HELZ: variants seen among roughly 807,000 people sequenced by gnomAD.
The protein encoded by HELZ is ATP-dependent RNA helicase with zinc finger domain.
Under a neutral mutation model 218.2 loss-of-function variants are expected in HELZ, and 23 were observed. That is an observed-to-expected ratio of 0.11 (90% CI 0.08 to 0.15). HELZ has a LOEUF of 0.15. HELZ is among the 10% of genes least tolerant of loss of function. The probability of loss-of-function intolerance (pLI) is 1.00; values close to 1 mark genes in which losing one functional copy is unlikely to be tolerated. For missense variants in HELZ, 1,813 were observed against 2,353.7 expected (o/e 0.77, Z 4.75); for synonymous variants, 814 against 829.4 (o/e 0.98, Z 0.32).
chr17:67,231,652 G>A (rs1044435436), intron 3 of HELZ, among the ~76,000 whole-genome samples: 3 of 151,430 alleles, frequency 2.0e-5, no homozygotes, highest in Non-Finnish European at 4.4e-5. Context: ...CAAACGTGCC[G>A]TGGAAACCTA....
intron 3 of HELZ, among the ~76,000 whole-genome samples, chr17:67,233,875 G>A (rs1348536780): frequency 2.0e-5 from 3 of 151,174 alleles, no homozygotes; most frequent in South Asian, 2.1e-4. Flanking sequence ...CCCCACCCCC[G>A]TCTCTACTAA....
At chr17:67,089,535 T>C (rs1481972805) in intron 31 of HELZ, among the ~76,000 whole-genome samples, 2 of 151,604 alleles carry the variant, frequency 1.3e-5, no homozygotes, top group African/African-American at 4.8e-5. Context: ...AGATAAAATA[T>C]GAAATTCAAT....
chr17:67,220,532 G>A (rs78042171), intron 3 of HELZ, among the ~76,000 whole-genome samples: 1,629 of 152,104 alleles, frequency 0.011, 30 homozygotes, highest in African/African-American at 0.036. Flanking sequence ...ACCTAGGCTC[G>A]AGTAGAGTGG....
At chr17:67,084,711 T>TA (rs1435912864) in intron 32 of HELZ, among the ~76,000 whole-genome samples, 9 of 150,874 alleles carry the variant, frequency 6.0e-5, no homozygotes, top group African/African-American at 2.2e-4. Flanking sequence ...GATGTTATCG[T>TA]AAAAAAATTA....
chr17:67,226,111 T>G (rs1393958335), intron 3 of HELZ, among the ~76,000 whole-genome samples: 1 of 151,418 alleles, frequency 6.6e-6, no homozygotes, highest in African/African-American at 2.4e-5. Context: ...AATACAAAAA[T>G]TATCTGGGTG....
intron 3 of HELZ, among the ~76,000 whole-genome samples, chr17:67,231,981 AG>A (rs2041048737): frequency 7.5e-6 from 1 of 134,050 alleles, no homozygotes; most frequent in Non-Finnish European, 1.6e-5. Flanking sequence ...TGAACTCGGG[AG>A]GGGGAAGTTG....
Position 67,071,707 on chromosome 17 carries a change from A to C in HELZ, c.*6545T>G, listed in dbSNP as rs896017245. 5 of 152,224 alleles carry C rather than the reference A, an allele frequency of 3.3e-5. No homozygotes were observed. Among genetic ancestry groups the C allele is most frequent in the African/African-American group, 1.2e-4 (5 of 41,444 alleles). 9.4% of individuals were successfully genotyped at this position (152,224 alleles called of 1,614,324 possible). The stretch of plus-strand genomic sequence containing the variant: ...AACACACAAATTAAACAATACCCAA[A>C]GACCTGACAGGTTTATTATATTATA... On this transcript the variant is annotated 3_prime_UTR_variant, in exon 33 of 33. Coordinates refer to ENST00000358691, the MANE Select transcript of HELZ (RefSeq NM_014877.4).
intron 5 of HELZ, among the ~76,000 whole-genome samples, chr17:67,205,613 T>C (rs2143149228): frequency 6.6e-6 from 1 of 152,318 alleles, no homozygotes; most frequent in South Asian, 2.1e-4. Context: ...AAGAAACTAG[T>C]TGTCAAGAGC....
intron 6 of HELZ, among the ~76,000 whole-genome samples, chr17:67,201,773 A>C (rs2040174756): frequency 1.3e-5 from 2 of 152,224 alleles, no homozygotes; most frequent in Admixed American, 1.3e-4. Context: ...CCCTTTAATG[A>C]TAATCTTAAT....
chr17:67,151,009 C>T, intron 18 of HELZ, 37 bp downstream of exon 18: 1 of 1,583,758 alleles, frequency 6.3e-7, no homozygotes, highest in East Asian at 2.2e-5. Context: ...AATTCATAAG[C>T]CCTAAACTTG....
Position 67,132,218 on chromosome 17 carries a change from C to CTGTGTGTGTGTG in HELZ, c.3183-3375_3183-3364dup, listed in dbSNP as rs57691319. 4.5e-3 allele frequency among the ~76,000 whole-genome samples: 669 copies of CTGTGTGTGTGTG among 147,958 alleles called. 4 individuals carry two copies. The highest frequency in any genetic ancestry group is 0.015 in the African/African-American group (608 of 40,604). The stretch of plus-strand genomic sequence containing the variant: ...AAAATCACTTGGTGTCCTTAGGTCA[C>CTGTGTGTGTGTG]TGTGTGTGTGTGTGTGTGTGTGTGT... On this transcript the variant is annotated intron_variant, in intron 23 of 32. Transcript: ENST00000358691.
intron 31 of HELZ, among the ~76,000 whole-genome samples, chr17:67,106,507 C>T (rs2037107531): frequency 6.6e-6 from 1 of 152,026 alleles, no homozygotes; most frequent in African/African-American, 2.4e-5. Context: ...CGGGGTTTCA[C>T]CGTGTTAGCC....
intron 5 of HELZ, among the ~76,000 whole-genome samples, chr17:67,213,620 CA>C (rs1174762463): frequency 1.3e-5 from 2 of 151,352 alleles, no homozygotes; most frequent in African/African-American, 4.9e-5. Context: ...GACTCCATCT[CA>C]AAAAAAATAA....
At chr17:67,122,257 C>T (rs1251041840) in intron 26 of HELZ, among the ~76,000 whole-genome samples, 2 of 151,964 alleles carry the variant, frequency 1.3e-5, no homozygotes, top group African/African-American at 2.4e-5. Flanking sequence ...AAAAATTAGC[C>T]GGGCATGGCC....
At chr17:67,116,264 G>C (rs1048636073) in intron 27 of HELZ, among the ~76,000 whole-genome samples, 1 of 150,258 alleles carries the variant, frequency 6.7e-6, no homozygotes, top group South Asian at 2.1e-4. Context: ...AGGAGAAGGC[G>C]GAAAAATCAA....
Position 67,107,018 on chromosome 17 carries a change from G to C in HELZ, c.5241+151C>G, listed in dbSNP as rs2037124448. 5 of 750,732 alleles carry C rather than the reference G, an allele frequency of 6.7e-6. No individual in the cohort carries two copies. The South Asian group carries it at 8.3e-5, about 12-fold the overall frequency. 46.5% of individuals were successfully genotyped at this position (750,732 alleles called of 1,614,324 possible). On this transcript the variant is annotated intron_variant, in intron 31 of 32. Coordinates refer to ENST00000358691, the MANE Select transcript of HELZ (RefSeq NM_014877.4). ...CTTTACAAAACCTGAAATACAATAG[G>C]AGGGTGGCAATTAAAATAATTCCCA... is the stretch of plus-strand genomic sequence containing the variant.
intron 3 of HELZ, chr17:67,224,767 A>C: frequency 8.5e-7 from 1 of 1,172,366 alleles, no homozygotes; most frequent in South Asian, 1.2e-5. Flanking sequence ...TTTCTGTAAG[A>C]AGTGTGGCAA....
chr17:67,184,480 A>AT (rs2039697966), intron 12 of HELZ, among the ~76,000 whole-genome samples: 1 of 152,098 alleles, frequency 6.6e-6, no homozygotes, highest in Non-Finnish European at 1.5e-5. Flanking sequence ...AATATTTCCC[A>AT]CTGAGAAGGA....
chr17:67,178,796 T>C lies in HELZ; in HGVS notation c.1293A>G (p.Arg431=). The change falls in exon 13 of 33, where the codon AGA becomes AGG. Residue 431 remains arginine (R), a synonymous_variant. Transcript: ENST00000358691. ...TTDLEKSLLI[R]YQIPLSADQL... ...GGTCAGCAGAGAGGGGAATTTGGTATCTGATAAGAAGGCTCTTCTCCAAAT... is the reference window on the plus strand; with the variant it reads ...GGTCAGCAGAGAGGGGAATTTGGTACCTGATAAGAAGGCTCTTCTCCAAAT... 6.2e-7 allele frequency: 1 copy of C among 1,614,008 alleles called. No homozygotes were observed. The highest frequency in any genetic ancestry group is 8.5e-7 in the Non-Finnish European group (1 of 1,179,910).
Sources: gnomAD v4.1 joint callset for allele counts (sites outside exome capture counted in the v4.1 genomes callset) on GRCh38, gnomAD v4.1.1 for gene constraint, MANE v1.5 for transcripts, NCBI Gene and HGNC (gene_info 2026-07-23, HGNC 2026-07-21) for gene names.